Variants in LRRC37A2 observed in about 807,000 individuals in gnomAD.
LRRC37A2 encodes the protein leucine rich repeat containing 37 member A2.
In LRRC37A2, 9 loss-of-function variants were observed where a neutral mutation model predicts 68.8. The ratio of observed to expected loss-of-function variants is 0.13; its 90% CI spans 0.08 to 0.23. LRRC37A2 has a LOEUF of 0.23. Ranked by LOEUF, LRRC37A2 falls within the 10% of genes least tolerant of loss-of-function variation. The pLI, the probability that LRRC37A2 is intolerant of heterozygous loss-of-function variation, is 1.00. For synonymous variants in LRRC37A2, 63 were observed against 367.6 expected (o/e 0.17, Z 9.48); for missense variants, 168 against 950.4 (o/e 0.18, Z 10.82).
chr17:46,904,297 T>G, the LRRC37A2 span, among the ~76,000 whole-genome samples: 4 of 148,448 alleles, frequency 2.7e-5, no homozygotes, highest in East Asian at 2.0e-4. Flanking sequence ...GGTGGGTAAA[T>G]GAGTGAGTGG....
At chr17:46,816,166 T>A in the LRRC37A2 span, among the ~76,000 whole-genome samples, 68 of 63,488 alleles carry the variant, frequency 1.1e-3, no homozygotes, top group Admixed American at 4.1e-3. Flanking sequence ...CACACTCACA[T>A]GCCCAGTCAT....
the LRRC37A2 span, chr17:46,935,283 A>G: frequency 1.9e-4 from 296 of 1,592,762 alleles, no homozygotes; most frequent in African/African-American, 3.6e-3. Context: ...TATTTTGATG[A>G]CAAGACAGAG....
the LRRC37A2 span, among the ~76,000 whole-genome samples, chr17:46,822,445 C>G: frequency 3.0e-4 from 45 of 152,386 alleles, 2 homozygotes; most frequent in South Asian, 8.5e-3. Flanking sequence ...GTTAATCTAA[C>G]ACACAAAGGA....
At chr17:46,928,260 T>C in the LRRC37A2 span, among the ~76,000 whole-genome samples, 6 of 152,160 alleles carry the variant, frequency 3.9e-5, no homozygotes, top group African/African-American at 9.7e-5. Context: ...CTGGAGGCCA[T>C]AGGGAAGCCC....
the LRRC37A2 span, chr17:46,818,828 A>G: frequency 1.7e-6 from 1 of 581,974 alleles, no homozygotes; most frequent in South Asian, 2.1e-5. Flanking sequence ...ATGAGTCTGT[A>G]GTTCAGCCTG....
chr17:46,759,704 C>T, the LRRC37A2 span, among the ~76,000 whole-genome samples: 3 of 152,182 alleles, frequency 2.0e-5, no homozygotes, highest in Non-Finnish European at 4.4e-5. Context: ...AGAATCATGT[C>T]GCCATCATGT....
the LRRC37A2 span, among the ~76,000 whole-genome samples, chr17:46,945,411 G>A: frequency 3.3e-5 from 5 of 152,164 alleles, no homozygotes; most frequent in Non-Finnish European, 5.9e-5. Flanking sequence ...GAGGTGCAAC[G>A]TAGTGTGATG....
At chr17:46,839,662 C>T in the LRRC37A2 span, among the ~76,000 whole-genome samples, 2 of 152,166 alleles carry the variant, frequency 1.3e-5, no homozygotes, top group African/African-American at 4.8e-5. Context: ...AGGCATTTCT[C>T]CCAATGCTCT....
At chr17:46,937,817 T>C in the LRRC37A2 span, 4 of 152,502 alleles carry the variant, frequency 2.6e-5, no homozygotes, top group Non-Finnish European at 4.4e-5. Context: ...AGGTTTACCA[T>C]AGTTTGTTCA....
the LRRC37A2 span, among the ~76,000 whole-genome samples, chr17:46,661,482 G>GC: frequency 1.3e-5 from 1 of 77,202 alleles, no homozygotes; most frequent in African/African-American, 5.3e-5. Context: ...CGCAACCTCT[G>GC]CCCCCCTGGT....
rs968229730 is a variant in LRRC37A2 at position 46,530,350 on chromosome 17, A to C, written c.2906+6466A>C. Among the ~76,000 whole-genome samples, 29 of 141,480 alleles carry C rather than the reference A, an allele frequency of 2.0e-4. 1 individual carries two copies. Among genetic ancestry groups the C allele is most frequent in the African/African-American group, 7.7e-4 (29 of 37,904 alleles). 92.8% of individuals were successfully genotyped at this position (141,480 alleles called of 152,430 possible). On this transcript the variant is annotated intron_variant, in intron 6 of 14. Transcript: ENST00000576629. ...AGCCCTAGTTTGAGAATCCATACTT[A>C]ACCAGTCATGTGGCACTCACATTCT...
At chr17:46,842,810 T>C in the LRRC37A2 span, among the ~76,000 whole-genome samples, 1 of 152,236 alleles carries the variant, frequency 6.6e-6, no homozygotes, top group Non-Finnish European at 1.5e-5. Context: ...ACAGAAGCTA[T>C]GAGAAAATCA....
At chr17:46,783,659 G>A in the LRRC37A2 span, among the ~76,000 whole-genome samples, 1 of 152,196 alleles carries the variant, frequency 6.6e-6, no homozygotes, top group African/African-American at 2.4e-5. Flanking sequence ...GCGATCTCTA[G>A]GAACGGGGGC....
At chr17:46,915,418 A>G in the LRRC37A2 span, among the ~76,000 whole-genome samples, 1 of 152,204 alleles carries the variant, frequency 6.6e-6, no homozygotes, top group African/African-American at 2.4e-5. Flanking sequence ...CCTGGCCTTG[A>G]AAATCCCAGA....
the LRRC37A2 span, among the ~76,000 whole-genome samples, chr17:47,015,150 G>C: frequency 6.6e-6 from 1 of 151,368 alleles, no homozygotes; most frequent in Non-Finnish European, 1.5e-5. Context: ...TGGGATTATA[G>C]ACACGCGTCA....
the LRRC37A2 span, among the ~76,000 whole-genome samples, chr17:46,990,718 T>A: frequency 6.6e-6 from 1 of 152,062 alleles, no homozygotes; most frequent in Non-Finnish European, 1.5e-5. Flanking sequence ...TCGCCCAGGC[T>A]AGAGTGCAGT....
the LRRC37A2 span, chr17:46,769,729 AG>A: frequency 1.3e-6 from 2 of 1,598,468 alleles, no homozygotes; most frequent in Non-Finnish European, 1.7e-6. Context: ...GCAGCTCCGG[AG>A]GGGAAGCGGG....
the LRRC37A2 span, among the ~76,000 whole-genome samples, chr17:46,874,014 G>C: frequency 6.6e-6 from 1 of 151,088 alleles, no homozygotes; most frequent in Non-Finnish European, 1.5e-5. Context: ...AAAATGCAGT[G>C]ATGCTGTACA....
the LRRC37A2 span, among the ~76,000 whole-genome samples, chr17:46,699,402 G>GACACACACACAC: frequency 1.5e-4 from 22 of 148,310 alleles, no homozygotes; most frequent in African/African-American, 5.4e-4. Flanking sequence ...ATAAACTGAG[G>GACACACACACAC]ACACACACAC....
Sources: allele counts gnomAD v4.1 joint callset (sites outside exome capture counted in the v4.1 genomes callset), GRCh38; gene constraint gnomAD v4.1.1; transcripts MANE v1.5; gene names NCBI Gene and HGNC (gene_info 2026-07-23, HGNC 2026-07-21).